GALNT13: variants seen among roughly 807,000 people sequenced by gnomAD.
GALNT13 encodes the protein polypeptide N-acetylgalactosaminyltransferase 13, also known as UDP-GalNAc:polypeptide N-acetylgalactosaminyltransferase 13.
A neutral mutation model predicts 64.2 loss-of-function variants in GALNT13; 28 were observed. The ratio of observed to expected loss-of-function variants is 0.44; its 90% confidence interval spans 0.32 to 0.60. The LOEUF is 0.60. Ranked by LOEUF, GALNT13 falls within the 20% of genes least tolerant of loss-of-function variation. The pLI is 0.05. For missense variants in GALNT13, 577 were observed against 669.8 expected (o/e 0.86, Z 1.53); for synonymous variants, 214 against 224.6 (o/e 0.95, Z 0.42).
chr2:154,283,789 C>A (rs1692099496), intron 8 of GALNT13, among the ~76,000 whole-genome samples: 1 of 151,864 alleles, frequency 6.6e-6, no homozygotes, highest in South Asian at 2.1e-4. Context: ...ATCTAGATGA[C>A]AAACTATAGA....
intron 12 of GALNT13, chr2:154,446,586 A>G (rs540300128): frequency 4.5e-6 from 7 of 1,544,526 alleles, no homozygotes; most frequent in Admixed American, 4.0e-5. Flanking sequence ...TCTTCTTCAT[A>G]TAATCACCCA....
At chr2:154,298,494 A>T (rs1693084066) in intron 8 of GALNT13, among the ~76,000 whole-genome samples, 1 of 127,642 alleles carries the variant, frequency 7.8e-6, no homozygotes. Context: ...TATATAAATT[A>T]TATATACATA....
At chr2:153,978,156 T>C (rs937754450) in intron 3 of GALNT13, among the ~76,000 whole-genome samples, 1 of 152,212 alleles carries the variant, frequency 6.6e-6, no homozygotes, top group Non-Finnish European at 1.5e-5. Context: ...GAAGATAGAA[T>C]ATTGTCTGTT....
the GALNT13 span, among the ~76,000 whole-genome samples, chr2:153,397,522 T>C: frequency 8.5e-5 from 13 of 152,192 alleles, no homozygotes; most frequent in African/African-American, 3.1e-4. Context: ...GAAAGATTTA[T>C]CTCACTCACT....
the GALNT13 span, among the ~76,000 whole-genome samples, chr2:153,631,953 A>G: frequency 6.6e-6 from 1 of 152,142 alleles, no homozygotes; most frequent in Non-Finnish European, 1.5e-5. Flanking sequence ...TAAACCAATA[A>G]TATCAGTAGT....
the GALNT13 span, among the ~76,000 whole-genome samples, chr2:153,736,997 C>CCTCTG: frequency 6.6e-6 from 1 of 152,200 alleles, no homozygotes; most frequent in Admixed American, 6.5e-5. Context: ...GGAGGGCAGT[C>CCTCTG]CTCTGCAAGC....
At chr2:154,299,312 A>C (rs539803002) in intron 8 of GALNT13, among the ~76,000 whole-genome samples, 1 of 152,098 alleles carries the variant, frequency 6.6e-6, no homozygotes, top group African/African-American at 2.4e-5. Flanking sequence ...GAGGACTGAA[A>C]AAGAATATTG....
At chr2:153,858,931 G>A in the GALNT13 span, among the ~76,000 whole-genome samples, 3 of 151,938 alleles carry the variant, frequency 2.0e-5, no homozygotes, top group African/African-American at 7.2e-5. Context: ...ATGGGATTTC[G>A]CCATATTGGC....
At chr2:153,528,478 A>G in the GALNT13 span, among the ~76,000 whole-genome samples, 1 of 152,072 alleles carries the variant, frequency 6.6e-6, no homozygotes, top group Non-Finnish European at 1.5e-5. Flanking sequence ...TAATATCTGA[A>G]GACTTCAACA....
At chr2:154,243,449 G>GCA (rs1187375457) in intron 6 of GALNT13, among the ~76,000 whole-genome samples, 1 of 151,590 alleles carries the variant, frequency 6.6e-6, no homozygotes, top group Non-Finnish European at 1.5e-5. Flanking sequence ...ACACACACAT[G>GCA]CACACACACA....
the GALNT13 span, among the ~76,000 whole-genome samples, chr2:153,525,394 G>C: frequency 5.9e-5 from 9 of 152,228 alleles, no homozygotes; most frequent in Non-Finnish European, 1.3e-4. Context: ...ACTTTGTTTT[G>C]CACCGTAAGC....
intron 1 of GALNT13, among the ~76,000 whole-genome samples, chr2:153,894,297 G>A (rs1279952242): frequency 6.6e-6 from 1 of 152,102 alleles, no homozygotes; most frequent in Non-Finnish European, 1.5e-5. Flanking sequence ...TAAAAAGGAG[G>A]AATGGATGAT....
the GALNT13 span, among the ~76,000 whole-genome samples, chr2:153,540,603 A>G: frequency 1.3e-4 from 20 of 152,170 alleles, no homozygotes; most frequent in Non-Finnish European, 2.6e-4. Context: ...CAGCCAATGA[A>G]AGCAGCCCCC....
At chr2:153,279,030 T>C in the GALNT13 span, among the ~76,000 whole-genome samples, 1 of 152,222 alleles carries the variant, frequency 6.6e-6, no homozygotes. Flanking sequence ...TTATGATTTC[T>C]TTCATTAGCA....
At chr2:153,124,972 A>G in the GALNT13 span, among the ~76,000 whole-genome samples, 8 of 152,218 alleles carry the variant, frequency 5.3e-5, no homozygotes, top group African/African-American at 1.9e-4. Flanking sequence ...TGATGAAGCT[A>G]TCGTTGTATT....
chr2:153,952,760 T>A (rs1271482001), intron 3 of GALNT13, among the ~76,000 whole-genome samples: 3 of 142,900 alleles, frequency 2.1e-5, no homozygotes, highest in African/African-American at 4.9e-5. Flanking sequence ...AGAAAGCCAG[T>A]CCGAGTCCCA....
At chr2:153,229,689 T>G in the GALNT13 span, among the ~76,000 whole-genome samples, 6 of 152,316 alleles carry the variant, frequency 3.9e-5, no homozygotes, top group African/African-American at 1.4e-4. Flanking sequence ...AAGCATGCAT[T>G]TGGTGAGGGT....
the GALNT13 span, among the ~76,000 whole-genome samples, chr2:153,251,260 G>A: frequency 6.6e-6 from 1 of 152,142 alleles, no homozygotes; most frequent in Non-Finnish European, 1.5e-5. Flanking sequence ...ATGACTTAGT[G>A]TATGTTAACA....
At chr2:153,235,107 T>G in the GALNT13 span, among the ~76,000 whole-genome samples, 8 of 152,208 alleles carry the variant, frequency 5.3e-5, no homozygotes, top group East Asian at 1.5e-3. Context: ...AATAAACATG[T>G]GTGTGTTTAG....
Sources: allele counts gnomAD v4.1 joint callset (sites outside exome capture counted in the v4.1 genomes callset), GRCh38; gene constraint gnomAD v4.1.1; transcripts MANE v1.5; gene names NCBI Gene and HGNC (gene_info 2026-07-23, HGNC 2026-07-21).